The following VLDLR variants were observed in gnomAD, a reference collection of about 807,000 sequenced individuals.
VLDLR encodes the protein very low density lipoprotein receptor, also known as very low-density lipoprotein receptor.
VLDLR carries 81 observed loss-of-function variants against 112.7 expected under a neutral mutation model. The ratio of observed to expected loss-of-function variants is 0.72; its 90% CI spans 0.60 to 0.86. VLDLR has a LOEUF of 0.86. Ranked by LOEUF, VLDLR falls within the 40% of genes least tolerant of loss-of-function variation. The probability of loss-of-function intolerance (pLI) is 0.00; values close to 1 mark genes in which losing one functional copy is unlikely to be tolerated. For synonymous variants in VLDLR, 436 were observed against 384.8 expected (o/e 1.13, Z -1.56); for missense variants, 1,237 against 1,099.4 (o/e 1.13, Z -1.77).
At chr9:2,641,874 A>G (rs1817844949) in intron 4 of VLDLR, among the ~76,000 whole-genome samples, 1 of 151,958 alleles carries the variant, frequency 6.6e-6, no homozygotes. Flanking sequence ...ACACATTCAT[A>G]GGTCTAAATT....
In VLDLR at chr9:2,654,059, A is replaced by G. The variant is rs1019257052; in HGVS notation, c.*191A>G. The G allele has an allele frequency of 1.7e-6, 1 of 602,172 alleles. No individual in the cohort carries two copies. The highest frequency in any genetic ancestry group is 2.9e-6 in the Non-Finnish European group (1 of 340,526). The allele number at this position is 602,172 out of a possible 1,614,324, so 37.3% of individuals were successfully genotyped here. A position where few individuals can be genotyped will look rare whatever the true frequency, so the allele number is the denominator to read the frequency against. ...TTGTAAATATTCTTGTCCACATTCT[A>G]CTTCAGCTTTGGATGTGGTTACCGA... On this transcript the variant is annotated 3_prime_UTR_variant, in exon 19 of 19. Coordinates refer to ENST00000382100, the MANE Select transcript of VLDLR (RefSeq NM_003383.5).
At chr9:2,632,830 G>T (rs1476496677) in intron 1 of VLDLR, among the ~76,000 whole-genome samples, 1 of 152,188 alleles carries the variant, frequency 6.6e-6, no homozygotes, top group African/African-American at 2.4e-5. Flanking sequence ...CCCAGTAGCA[G>T]TCCCTCAAAA....
rs533601459 is a variant in VLDLR, at chr9:2,645,856, G to A, written c.1484+111G>A. On this transcript the variant is annotated intron_variant, in intron 10 of 18. Transcript: ENST00000382100. Reference sequence around the variant, plus strand: ...TTTGTGTCTAGCCCCATCTAGCATCGAATTACCTGGGGACATTAAATCTAA... The same window carrying A: ...TTTGTGTCTAGCCCCATCTAGCATCAAATTACCTGGGGACATTAAATCTAA... The A allele has an allele frequency of 1.6e-5, 20 of 1,232,070 alleles. No individual in the cohort carries two copies. The South Asian group carries it at 1.7e-4, about 11-fold the overall frequency. The allele number at this position is 1,232,070 out of a possible 1,614,324, so 76.3% of individuals were successfully genotyped here.
chr9:2,625,900 G>A (rs2130758885), intron 1 of VLDLR, among the ~76,000 whole-genome samples: 1 of 152,274 alleles, frequency 6.6e-6, no homozygotes, highest in East Asian at 1.9e-4. Flanking sequence ...TGAAGAGTTG[G>A]GGCAGAGTCT....
chr9:2,646,411 A>AT lies in VLDLR; in HGVS notation c.1564dup (p.Trp522LeufsTer10). The AT allele has an allele frequency of 6.2e-7, 1 of 1,614,184 alleles. No homozygotes were observed. On this transcript the variant is annotated frameshift_variant, in exon 11 of 19. Coordinates refer to ENST00000382100, the MANE Select transcript of VLDLR (RefSeq NM_003383.5). LOFTEE classifies it high-confidence loss of function. ...TATAATCCTGCAGCCATTGCTGTTG[A>AT]TTGGGTGTACAAGACCATCTACTGG... is the stretch of plus-strand genomic sequence containing the variant.
chr9:2,651,929 T>G lies in VLDLR; in HGVS notation c.2391T>G (p.Ser797=). 1 of 1,614,132 alleles carries G rather than the reference T, an allele frequency of 6.2e-7. No homozygotes were observed. The highest frequency in any genetic ancestry group is 8.5e-7 in the Non-Finnish European group (1 of 1,179,986). Residue 797 remains serine (S), a synonymous_variant, in exon 17 of 19, where the codon TCT becomes TCG. Transcript: ENST00000382100. ...SEVSVPPKGT[S]AAWAILPLLL... is the part of the protein sequence containing the mutation. ...TCAGTGTTCCCCCAAAAGGGACTTC[T>G]GCCGCATGGGCCATTCTTCCTCTCT...
chr9:2,650,491 A>G lies in VLDLR; in HGVS notation c.2226A>G (p.Val742=). Residue 742 remains valine, a synonymous_variant, in exon 15 of 19, where the codon GTA becomes GTG. Transcript: ENST00000382100. ...GTTCCTGTCCCAGTGGGTACAATGT[A>G]GAGGAAAATGGCCGAGACTGTCAAA... ...YTCSCPSGYN[V]EENGRDCQST... 6.2e-7 allele frequency: 1 copy of G among 1,614,010 alleles called. No homozygotes were observed. Among genetic ancestry groups the G allele is most frequent in the Non-Finnish European group, 8.5e-7 (1 of 1,180,010 alleles).
At chr9:2,643,104 A>T in intron 4 of VLDLR, 56 bp from the exon 5 acceptor site, 1 of 1,599,380 alleles carries the variant, frequency 6.3e-7, no homozygotes, top group Non-Finnish European at 8.5e-7. Flanking sequence ...TGGGACAAGA[A>T]TCTTGAACGG....
chr9:2,659,583 C>G lies in VLDLR; in HGVS notation c.*5715C>G, dbSNP rs1370606284. On this transcript the variant is annotated 3_prime_UTR_variant, in exon 19 of 19. Coordinates refer to ENST00000382100, the MANE Select transcript of VLDLR (RefSeq NM_003383.5). ...AATTTATAAGCAGGCAACTTCATTC[C>G]TATGTATAAGATATTGGGAGAAAAC... 1 of 152,192 alleles carries G rather than the reference C, an allele frequency of 6.6e-6. No individual in the cohort carries two copies. The highest frequency in any genetic ancestry group is 2.4e-5 in the African/African-American group (1 of 41,448). The allele number at this position is 152,192 out of a possible 1,614,324, so 9.4% of individuals were successfully genotyped here.
chr9:2,629,707 T>A (rs1292886444), intron 1 of VLDLR, among the ~76,000 whole-genome samples: 1 of 152,256 alleles, frequency 6.6e-6, no homozygotes, highest in East Asian at 1.9e-4. Context: ...ACAATTGAAC[T>A]GTAAAATTCA....
chr9:2,658,464 A>C lies in VLDLR; in HGVS notation c.*4596A>C, dbSNP rs747798643. 1 of 152,210 alleles carries C rather than the reference A, an allele frequency of 6.6e-6. No individual in the cohort carries two copies. Among genetic ancestry groups the C allele is most frequent in the Non-Finnish European group, 1.5e-5 (1 of 68,036 alleles). The allele number at this position is 152,210 out of a possible 1,614,324, so 9.4% of individuals were successfully genotyped here. ...GAGTTTGTGCTCCGCAGGTTACCTCATGGCATATCAAAAATGGCTTTTTTC... is the reference window on the plus strand; with the variant it reads ...GAGTTTGTGCTCCGCAGGTTACCTCCTGGCATATCAAAAATGGCTTTTTTC... On this transcript the variant is annotated 3_prime_UTR_variant, in exon 19 of 19. Transcript: ENST00000382100.
chr9:2,625,105 G>T (rs779655923), intron 1 of VLDLR, among the ~76,000 whole-genome samples: 4 of 152,194 alleles, frequency 2.6e-5, no homozygotes, highest in Non-Finnish European at 4.4e-5. Flanking sequence ...CTCAAAAGAA[G>T]TGAAGACCTG....
In VLDLR at chr9:2,659,923, C is replaced by T. The variant is rs1052819551; in HGVS notation, c.*6055C>T. On this transcript the variant is annotated 3_prime_UTR_variant, in exon 19 of 19. Coordinates refer to ENST00000382100, the MANE Select transcript of VLDLR (RefSeq NM_003383.5). The stretch of plus-strand genomic sequence containing the variant: ...TAATGCCTCAGGAGTCCGGCATATA[C>T]AACCAAATTATCATGCTCAGGATCT... 1 of 152,172 alleles carries T rather than the reference C, an allele frequency of 6.6e-6. No individual in the cohort carries two copies. The highest frequency in any genetic ancestry group is 2.4e-5 in the African/African-American group (1 of 41,444). The allele number at this position is 152,172 out of a possible 1,614,324, so 9.4% of individuals were successfully genotyped here.
rs772294761 is a variant in VLDLR at position 2,653,876 on chromosome 9, G to T, written c.*8G>T. ...GATGATGATCTAGCTTGACTTCTGT[G>T]ACAAATGTTGACCTTTGAGGTCTAA... On this transcript the variant is annotated 3_prime_UTR_variant, in exon 19 of 19. Coordinates refer to ENST00000382100, the MANE Select transcript of VLDLR (RefSeq NM_003383.5). The T allele has an allele frequency of 6.2e-7, 1 of 1,613,796 alleles. No individual in the cohort carries two copies. Among genetic ancestry groups the T allele is most frequent in the Non-Finnish European group, 8.5e-7 (1 of 1,179,810 alleles).
At chr9:2,626,711 A>C (rs1445866375) in intron 1 of VLDLR, among the ~76,000 whole-genome samples, 1 of 152,154 alleles carries the variant, frequency 6.6e-6, no homozygotes, top group African/African-American at 2.4e-5. Context: ...GGGAGCCTTT[A>C]TGTATGTAGA....
rs1337578797 is a variant in VLDLR, at chr9:2,643,150, CT to C, written c.449-9del. 6.2e-7 allele frequency: 1 copy of C among 1,608,130 alleles called. No homozygotes were observed. The highest frequency in any genetic ancestry group is 1.3e-5 in the African/African-American group (1 of 74,930). On this transcript the variant is annotated splice_polypyrimidine_tract_variant and intron_variant, in intron 4 of 18. Transcript: ENST00000382100. ...ATGCATTTTCAGTGGGGCATCCTCT[CT>C]CTTAATAGGCAATATAACATGTAGT...
At chr9:2,626,545 G>A (rs868481348) in intron 1 of VLDLR, among the ~76,000 whole-genome samples, 17 of 152,220 alleles carry the variant, frequency 1.1e-4, no homozygotes, top group African/African-American at 4.1e-4. Flanking sequence ...GAGAATGCCT[G>A]TTAGGTCCTG....
At chr9:2,632,251 C>G (rs1817381687) in intron 1 of VLDLR, among the ~76,000 whole-genome samples, 1 of 152,006 alleles carries the variant, frequency 6.6e-6, no homozygotes, top group Non-Finnish European at 1.5e-5. Context: ...GTGGAACACC[C>G]AGGGCCTCTG....
chr9:2,635,601 T>C (rs771838777), intron 2 of VLDLR, 29 bp downstream of exon 2: 2 of 1,613,566 alleles, frequency 1.2e-6, no homozygotes, highest in Non-Finnish European at 1.7e-6. Flanking sequence ...GACTTATGCA[T>C]TTTGTTAAAA....
Sources: allele counts gnomAD v4.1 joint callset (sites outside exome capture counted in the v4.1 genomes callset), GRCh38; gene constraint gnomAD v4.1.1; transcripts MANE v1.5; gene names NCBI Gene and HGNC (gene_info 2026-07-23, HGNC 2026-07-21).